Variants in ADAMTS17 observed in about 807,000 individuals in gnomAD.
ADAMTS17 encodes the protein A disintegrin and metalloproteinase with thrombospondin motifs 17.
In ADAMTS17, 113 loss-of-function variants were observed where a neutral mutation model predicts 141.5. The ratio of observed to expected loss-of-function variants is 0.80; its 90% confidence interval spans 0.69 to 0.93. ADAMTS17 has a LOEUF of 0.93. Ranked by LOEUF, ADAMTS17 falls within the 40% of genes least tolerant of loss-of-function variation. ADAMTS17 has a pLI of 0.00. For missense variants in ADAMTS17, 1,659 were observed against 1,517.9 expected (o/e 1.09, Z -1.54); for synonymous variants, 768 against 630.6 (o/e 1.22, Z -3.27).
intron 14 of ADAMTS17, among the ~76,000 whole-genome samples, chr15:100,098,884 C>T (rs1045966336): frequency 2.6e-5 from 4 of 152,220 alleles, no homozygotes; most frequent in Non-Finnish European, 5.9e-5. Context: ...TCTTTCCTGG[C>T]ACCTGTTCCA....
intron 14 of ADAMTS17, among the ~76,000 whole-genome samples, chr15:100,108,519 A>T (rs2036545198): frequency 6.6e-6 from 1 of 152,160 alleles, no homozygotes; most frequent in Non-Finnish European, 1.5e-5. Flanking sequence ...CTAACCAGTC[A>T]TGGCCATCCA....
intron 7 of ADAMTS17, among the ~76,000 whole-genome samples, chr15:100,240,806 TG>T (rs2042806449): frequency 6.6e-6 from 1 of 152,196 alleles, no homozygotes; most frequent in Non-Finnish European, 1.5e-5. Flanking sequence ...ACTCAACTTC[TG>T]TTTGTTTTTC....
intron 14 of ADAMTS17, among the ~76,000 whole-genome samples, chr15:100,099,455 G>A (rs1038596194): frequency 6.6e-6 from 1 of 152,180 alleles, no homozygotes; most frequent in Non-Finnish European, 1.5e-5. Context: ...TATTAGGGGA[G>A]CTTTGATGAT....
chr15:100,075,671 A>G (rs902061419), intron 15 of ADAMTS17, among the ~76,000 whole-genome samples: 12 of 152,196 alleles, frequency 7.9e-5, no homozygotes, highest in African/African-American at 1.9e-4. Flanking sequence ...ACAAGGCTAT[A>G]TTATCTGTAC....
intron 12 of ADAMTS17, among the ~76,000 whole-genome samples, chr15:100,122,517 C>G (rs1400126130): frequency 6.6e-6 from 1 of 152,142 alleles, no homozygotes; most frequent in Admixed American, 6.5e-5. Context: ...CAGCTGACCT[C>G]TGAACAATGT....
chr15:100,202,032 G>A (rs367919753), intron 7 of ADAMTS17, among the ~76,000 whole-genome samples: 4 of 152,168 alleles, frequency 2.6e-5, no homozygotes, highest in Non-Finnish European at 4.4e-5. Flanking sequence ...AGATCTGCAC[G>A]CCCTGGAGAA....
chr15:100,071,015 A>G (rs955853386), intron 15 of ADAMTS17, among the ~76,000 whole-genome samples: 1 of 150,364 alleles, frequency 6.7e-6, no homozygotes, highest in African/African-American at 2.5e-5. Context: ...TAAAGAAGAA[A>G]AGAGACAAGA....
At chr15:100,241,251 G>C (rs147991401) in intron 7 of ADAMTS17, among the ~76,000 whole-genome samples, 2 of 152,168 alleles carry the variant, frequency 1.3e-5, no homozygotes, top group Non-Finnish European at 2.9e-5. Flanking sequence ...TAATTCTTCA[G>C]TAAAAATCAC....
intron 7 of ADAMTS17, among the ~76,000 whole-genome samples, chr15:100,203,459 C>T (rs1197561945): frequency 6.6e-6 from 1 of 152,226 alleles, no homozygotes; most frequent in South Asian, 2.1e-4. Context: ...GTAATCCCAG[C>T]ACTTTGGGAG....
intron 18 of ADAMTS17, among the ~76,000 whole-genome samples, chr15:100,043,739 T>C (rs2031454994): frequency 6.6e-6 from 1 of 152,274 alleles, no homozygotes; most frequent in Non-Finnish European, 1.5e-5. Flanking sequence ...TCTAGACCTA[T>C]ACAGATGAAG....
chr15:99,974,607 G>A, intron 21 of ADAMTS17, 45 bp from the exon 22 acceptor site: 1 of 1,612,772 alleles, frequency 6.2e-7, no homozygotes, highest in Non-Finnish European at 8.5e-7. Flanking sequence ...GGATGGCCTA[G>A]GCATGTCCTG....
At chr15:100,228,710 C>G (rs1345094463) in intron 7 of ADAMTS17, among the ~76,000 whole-genome samples, 2 of 152,200 alleles carry the variant, frequency 1.3e-5, no homozygotes, top group African/African-American at 4.8e-5. Context: ...ATTCTCTACC[C>G]CTCGTGTTTC....
chr15:100,047,039 GA>G (rs1440666418), intron 18 of ADAMTS17, among the ~76,000 whole-genome samples: 2 of 152,016 alleles, frequency 1.3e-5, no homozygotes, highest in Admixed American at 6.6e-5. Context: ...ACATCCCTGA[GA>G]AAGAGAATGA....
At chr15:100,028,443 G>A (rs2029866549) in intron 18 of ADAMTS17, among the ~76,000 whole-genome samples, 1 of 152,228 alleles carries the variant, frequency 6.6e-6, no homozygotes, top group Non-Finnish European at 1.5e-5. Context: ...GAGCCTCAGA[G>A]ATGACAGCTG....
intron 15 of ADAMTS17, among the ~76,000 whole-genome samples, chr15:100,083,823 C>T (rs2034908234): frequency 6.6e-6 from 1 of 151,142 alleles, no homozygotes; most frequent in Non-Finnish European, 1.5e-5. Flanking sequence ...GGCACTTGGC[C>T]CTTCCCCCTC....
chr15:100,271,486 G>A (rs1182145122), intron 4 of ADAMTS17, among the ~76,000 whole-genome samples: 1 of 152,108 alleles, frequency 6.6e-6, no homozygotes, highest in Non-Finnish European at 1.5e-5. Flanking sequence ...TTTCCCTGAT[G>A]ATTGATGCCA....
chr15:100,126,248 T>C (rs2037728258), intron 12 of ADAMTS17: 1 of 152,152 alleles, frequency 6.6e-6, no homozygotes, highest in South Asian at 2.1e-4. Context: ...CTGTCCCGCC[T>C]CTTCCCATTC....
intron 7 of ADAMTS17, among the ~76,000 whole-genome samples, chr15:100,222,042 C>T (rs992369998): frequency 1.4e-4 from 21 of 152,200 alleles, no homozygotes; most frequent in Admixed American, 6.5e-4. Flanking sequence ...TTTTATTAAA[C>T]GAAGTCACGC....
rs563608128 is a variant in ADAMTS17, at chr15:100,007,884, G to A, written c.2592-10295C>T. Among the ~76,000 whole-genome samples, 35 of 152,220 alleles carry A rather than the reference G, an allele frequency of 2.3e-4. 1 individual carries two copies. In the South Asian group the frequency reaches 5.4e-3, roughly 23 times the overall value. On this transcript the variant is annotated intron_variant, in intron 18 of 21. Coordinates refer to ENST00000268070, the MANE Select transcript of ADAMTS17 (RefSeq NM_139057.4). ...GGTAAGAAGGGATCATCCAGACAGC[G>A]CAGACACAGAGAAGACAGCTTGGAG...
Sources: allele counts gnomAD v4.1 joint callset (sites outside exome capture counted in the v4.1 genomes callset), GRCh38; gene constraint gnomAD v4.1.1; transcripts MANE v1.5; gene names NCBI Gene and HGNC (gene_info 2026-07-23, HGNC 2026-07-21).